SIK3: variants seen among roughly 807,000 people sequenced by gnomAD.
The protein encoded by SIK3 is serine/threonine-protein kinase SIK3.
SIK3 carries 28 observed loss-of-function variants against 144.2 expected under a neutral mutation model. That is an observed-to-expected ratio of 0.19 (90% confidence interval 0.14 to 0.27). The LOEUF (loss-of-function observed/expected upper bound fraction) is 0.27. SIK3 is among the 10% of genes least tolerant of loss of function. The pLI, the probability that SIK3 is intolerant of heterozygous loss-of-function variation, is 1.00. For missense variants in SIK3, 1,319 were observed against 1,776.0 expected (o/e 0.74, Z 4.62); for synonymous variants, 686 against 676.3 (o/e 1.01, Z -0.22).
At position 116,867,541 on chromosome 11, in the gene SIK3, G is replaced by A. The variant is rs1419786757; in HGVS notation, c.1952+405C>T. ...TGGCGGTTCAATGGTAACACGATATGAAATGCTCATTCTTTTGAAGGTGAT... is the reference window on the plus strand; with the variant it reads ...TGGCGGTTCAATGGTAACACGATATAAAATGCTCATTCTTTTGAAGGTGAT... On this transcript the variant is annotated intron_variant, in intron 15 of 24. Transcript: ENST00000445177. The surrounding 1 kb of genome is among the most constrained non-coding windows in gnomAD (Gnocchi z 4.1). 6.2e-6 allele frequency: 1 copy of A among 160,924 alleles called. No homozygotes were observed. Among genetic ancestry groups the A allele is most frequent in the African/African-American group, 2.4e-5 (1 of 41,730 alleles). The allele number at this position is 160,924 out of a possible 1,614,324, so 10.0% of individuals were successfully genotyped here. A position where few individuals can be genotyped will look rare whatever the true frequency, so the allele number is the denominator to read the frequency against.
chr11:116,914,452 G>A (rs1458544744), intron 4 of SIK3, among the ~76,000 whole-genome samples: 6 of 151,930 alleles, frequency 3.9e-5, no homozygotes, highest in African/African-American at 9.7e-5. Flanking sequence ...CAGGTAATCC[G>A]CCCAGGTCCC....
intron 4 of SIK3, among the ~76,000 whole-genome samples, chr11:116,923,135 C>T (rs915310700): frequency 1.8e-4 from 27 of 152,058 alleles, no homozygotes; most frequent in African/African-American, 5.8e-4. Context: ...AGGCTGGTCT[C>T]AAACTCCTGA....
At chr11:116,968,768 T>C (rs1245885744) in intron 1 of SIK3, among the ~76,000 whole-genome samples, 3 of 152,192 alleles carry the variant, frequency 2.0e-5, no homozygotes, top group African/African-American at 7.2e-5. Context: ...GTAAAGGAAA[T>C]TGTCGTAACT....
intron 1 of SIK3, among the ~76,000 whole-genome samples, chr11:117,043,457 T>C (rs1952829475): frequency 6.6e-6 from 1 of 152,186 alleles, no homozygotes; most frequent in Admixed American, 6.5e-5. Context: ...TTTAAAAAAA[T>C]ACTGAAATCC....
intron 21 of SIK3, 164 bp downstream of exon 21, chr11:116,857,646 C>T (rs922780930): frequency 3.3e-6 from 4 of 1,214,270 alleles, no homozygotes; most frequent in East Asian, 2.6e-5. Flanking sequence ...GACCCCTTGC[C>T]CACCAATACC....
chr11:117,042,538 A>G (rs914052610), intron 1 of SIK3, among the ~76,000 whole-genome samples: 3 of 152,200 alleles, frequency 2.0e-5, no homozygotes, highest in Non-Finnish European at 4.4e-5. Context: ...ATAAATAAAA[A>G]CAATGAGGAT....
At chr11:116,947,159 T>TTATTATTTATATATAATATATA (rs1212686976) in intron 3 of SIK3, among the ~76,000 whole-genome samples, 1 of 46,272 alleles carries the variant, frequency 2.2e-5, no homozygotes, top group African/African-American at 8.5e-5. Flanking sequence ...TATAATATAT[T>TTATTATTTATATATAATATATA]ATATATAAAT....
intron 4 of SIK3, among the ~76,000 whole-genome samples, chr11:116,897,829 G>A (rs1323692107): frequency 2.0e-5 from 3 of 151,918 alleles, no homozygotes; most frequent in African/African-American, 2.4e-5. Context: ...ATTACAGGGA[G>A]CCAAGATGGC....
At chr11:117,070,194 C>A (rs924134690) in intron 1 of SIK3, among the ~76,000 whole-genome samples, 6 of 152,150 alleles carry the variant, frequency 3.9e-5, no homozygotes, top group Non-Finnish European at 8.8e-5. Context: ...AATATAAATG[C>A]AAATAGTGAA....
chr11:116,944,719 T>C (rs550141665), intron 3 of SIK3, among the ~76,000 whole-genome samples: 1 of 152,238 alleles, frequency 6.6e-6, no homozygotes, highest in African/African-American at 2.4e-5. Flanking sequence ...CGGGAGTATA[T>C]TAGCTTTCAG....
intron 4 of SIK3, among the ~76,000 whole-genome samples, chr11:116,906,817 T>G (rs1946066148): frequency 6.6e-6 from 1 of 152,200 alleles, no homozygotes; most frequent in African/African-American, 2.4e-5. Flanking sequence ...CCAGATCCAT[T>G]CAGAGTTATC....
chr11:117,047,656 G>T (rs1014241921), intron 1 of SIK3, among the ~76,000 whole-genome samples: 2 of 152,104 alleles, frequency 1.3e-5, no homozygotes, highest in Non-Finnish European at 2.9e-5. Context: ...CATTAAAATA[G>T]TTCAGGGCCA....
chr11:116,954,168 T>G (rs511676), intron 2 of SIK3, 61 bp from the exon 3 acceptor site: 1,168,404 of 1,362,854 alleles, frequency 0.86, 506,460 homozygotes, highest in African/African-American at 0.9. Flanking sequence ...TACAGGAAGA[T>G]AAACTAATGA....
chr11:117,040,505 T>C (rs1952691794), intron 1 of SIK3, among the ~76,000 whole-genome samples: 1 of 152,200 alleles, frequency 6.6e-6, no homozygotes, highest in Admixed American at 6.5e-5. Context: ...CAAATAAATC[T>C]GTAAATAACA....
intron 4 of SIK3, 52 bp downstream of exon 4, chr11:116,927,167 C>T (rs1947323508): frequency 1.4e-6 from 2 of 1,393,650 alleles, no homozygotes; most frequent in Admixed American, 2.1e-5. Flanking sequence ...CTTATAGAAC[C>T]CCAAGGAAAA....
At chr11:117,066,213 C>T (rs1338679533) in intron 1 of SIK3, among the ~76,000 whole-genome samples, 1 of 151,722 alleles carries the variant, frequency 6.6e-6, no homozygotes, top group Non-Finnish European at 1.5e-5. Flanking sequence ...GGATTACAGG[C>T]ACACGCCACC....
At chr11:116,973,527 C>A (rs370520512) in intron 1 of SIK3, among the ~76,000 whole-genome samples, 1 of 152,244 alleles carries the variant, frequency 6.6e-6, no homozygotes, top group African/African-American at 2.4e-5. Flanking sequence ...AACAAAGTTA[C>A]TTTTTTCAAT....
chr11:116,898,197 T>G (rs1945527640), intron 4 of SIK3, among the ~76,000 whole-genome samples: 1 of 151,834 alleles, frequency 6.6e-6, no homozygotes, highest in Admixed American at 6.6e-5. Context: ...ATTGTTCAAT[T>G]CCCACCTATG....
intron 1 of SIK3, among the ~76,000 whole-genome samples, chr11:117,014,426 T>A (rs767591821): frequency 1.1e-4 from 16 of 152,166 alleles, no homozygotes; most frequent in East Asian, 1.9e-4. Context: ...TATGACTTTA[T>A]GTCATAACTC....
Sources: gnomAD v4.1 joint callset for allele counts (sites outside exome capture counted in the v4.1 genomes callset) on GRCh38, gnomAD v4.1.1 for gene constraint, Gnocchi (gnomAD v3.1) non-coding constraint, MANE v1.5 for transcripts, NCBI Gene and HGNC (gene_info 2026-07-23, HGNC 2026-07-21) for gene names.